ADCY2: variants seen among roughly 807,000 people sequenced by gnomAD.
ADCY2 encodes adenylate cyclase 2, also known as adenylate cyclase type 2.
A neutral mutation model predicts 125.2 loss-of-function variants in ADCY2; 31 were observed. The observed-to-expected ratio is 0.25, with a 90% CI of 0.19 to 0.33. The LOEUF (loss-of-function observed/expected upper bound fraction) is 0.33. ADCY2 is among the 10% of genes least tolerant of loss of function. The probability of loss-of-function intolerance (pLI) is 1.00; values close to 1 mark genes in which losing one functional copy is unlikely to be tolerated. For synonymous variants in ADCY2, 512 were observed against 548.4 expected (o/e 0.93, Z 0.93); for missense variants, 904 against 1,418.2 (o/e 0.64, Z 5.82).
chr5:7,668,510 G>C (rs1561156283), intron 4 of ADCY2, among the ~76,000 whole-genome samples: 1 of 151,950 alleles, frequency 6.6e-6, no homozygotes, highest in Non-Finnish European at 1.5e-5. Flanking sequence ...AATACACATG[G>C]GTACTTCAGA....
intron 2 of ADCY2, among the ~76,000 whole-genome samples, chr5:7,515,380 G>A (rs1744216878): frequency 1.3e-5 from 2 of 152,178 alleles, no homozygotes. Context: ...GGGGTAGGCA[G>A]GAGCAGATGT....
intron 15 of ADCY2, among the ~76,000 whole-genome samples, chr5:7,744,302 T>C (rs1215740712): frequency 1.3e-5 from 2 of 152,172 alleles, no homozygotes; most frequent in Non-Finnish European, 2.9e-5. Context: ...GATGGGTTCA[T>C]AGGTGCAGCA....
chr5:7,525,033 C>T (rs1043576907), intron 3 of ADCY2, among the ~76,000 whole-genome samples: 12 of 152,148 alleles, frequency 7.9e-5, no homozygotes, highest in East Asian at 1.9e-4. Flanking sequence ...GATGGAGTCT[C>T]GCTCTGTCAC....
chr5:7,535,850 G>A (rs1208282650), intron 3 of ADCY2, among the ~76,000 whole-genome samples: 4 of 152,162 alleles, frequency 2.6e-5, no homozygotes, highest in South Asian at 4.1e-4. Context: ...AGAAAGTATC[G>A]TGGCTGGTGT....
intron 2 of ADCY2, among the ~76,000 whole-genome samples, chr5:7,439,916 G>A (rs1190796469): frequency 2.6e-5 from 4 of 151,980 alleles, no homozygotes; most frequent in East Asian, 3.9e-4. Flanking sequence ...GAAGAATTCC[G>A]GGGGTGAGAG....
chr5:7,489,198 C>T (rs1743062089), intron 2 of ADCY2, among the ~76,000 whole-genome samples: 1 of 152,132 alleles, frequency 6.6e-6, no homozygotes, highest in Non-Finnish European at 1.5e-5. Flanking sequence ...GCATCTGAGT[C>T]TCTGAGACCT....
chr5:7,730,301 T>A (rs1742061668), intron 14 of ADCY2, among the ~76,000 whole-genome samples: 1 of 152,240 alleles, frequency 6.6e-6, no homozygotes, highest in Non-Finnish European at 1.5e-5. Context: ...ATGCTTGCAT[T>A]GGTTCCATAT....
chr5:7,487,105 A>G (rs1357114791), intron 2 of ADCY2, among the ~76,000 whole-genome samples: 1 of 152,202 alleles, frequency 6.6e-6, no homozygotes, highest in Non-Finnish European at 1.5e-5. Context: ...TAAAAAGGCT[A>G]TGTGTGTGAT....
chr5:7,572,150 A>G (rs1470479360), intron 3 of ADCY2, among the ~76,000 whole-genome samples: 1 of 152,208 alleles, frequency 6.6e-6, no homozygotes, highest in Non-Finnish European at 1.5e-5. Context: ...CTGTGGGTAT[A>G]TACCTAGTAA....
intron 15 of ADCY2, among the ~76,000 whole-genome samples, chr5:7,756,714 GA>G (rs1246702581): frequency 6.6e-6 from 1 of 152,146 alleles, no homozygotes; most frequent in Non-Finnish European, 1.5e-5. Flanking sequence ...CATGGGTATA[GA>G]GTTTCAATTT....
At chr5:7,633,846 A>G (rs776048558) in intron 4 of ADCY2, among the ~76,000 whole-genome samples, 25 of 152,186 alleles carry the variant, frequency 1.6e-4, no homozygotes, top group Non-Finnish European at 2.2e-4. Context: ...GGGACTGCCT[A>G]TTTTTAATAC....
At chr5:7,616,005 G>A (rs1737744780) in intron 3 of ADCY2, among the ~76,000 whole-genome samples, 1 of 152,098 alleles carries the variant, frequency 6.6e-6, no homozygotes, top group Admixed American at 6.5e-5. Flanking sequence ...ATATGGTGGT[G>A]CTAGTGGTTT....
intron 3 of ADCY2, among the ~76,000 whole-genome samples, chr5:7,558,602 G>A (rs11959169): frequency 0.3 from 45,501 of 151,802 alleles, 7,957 homozygotes; most frequent in Non-Finnish European, 0.4. Context: ...TGTTGGATGC[G>A]TAGTTTGCAG....
At chr5:7,560,253 T>C (rs1379628259) in intron 3 of ADCY2, among the ~76,000 whole-genome samples, 1 of 152,212 alleles carries the variant, frequency 6.6e-6, no homozygotes, top group Non-Finnish European at 1.5e-5. Flanking sequence ...GGAAAGAGAC[T>C]GGATGCCAGT....
chr5:7,471,495 T>G (rs73737394), intron 2 of ADCY2, among the ~76,000 whole-genome samples: 1 of 151,986 alleles, frequency 6.6e-6, no homozygotes, highest in Non-Finnish European at 1.5e-5. Flanking sequence ...CTTATAACAA[T>G]AGACTCCCAA....
chr5:7,629,193 G>C (rs1738234182), intron 4 of ADCY2, among the ~76,000 whole-genome samples: 1 of 152,226 alleles, frequency 6.6e-6, no homozygotes, highest in Admixed American at 6.5e-5. Context: ...GGTGCTCCCA[G>C]AGGTTGAGAG....
At chr5:7,534,840 G>A (rs909061281) in intron 3 of ADCY2, among the ~76,000 whole-genome samples, 1 of 152,216 alleles carries the variant, frequency 6.6e-6, no homozygotes, top group African/African-American at 2.4e-5. Context: ...GGTTGATGTG[G>A]TGGGGGCCTC....
intron 20 of ADCY2, chr5:7,794,162 C>T (rs1000152437): frequency 6.6e-6 from 1 of 152,148 alleles, no homozygotes; most frequent in Non-Finnish European, 1.5e-5. Flanking sequence ...ATGAAATGAT[C>T]GTGTCATTCT....
chr5:7,404,379 A>T (rs575440970), intron 1 of ADCY2, among the ~76,000 whole-genome samples: 18 of 152,278 alleles, frequency 1.2e-4, no homozygotes, highest in African/African-American at 4.1e-4. Context: ...ATATTAGATT[A>T]TGTCATGGAA....
Sources: gnomAD v4.1 joint callset for allele counts (sites outside exome capture counted in the v4.1 genomes callset) on GRCh38, gnomAD v4.1.1 for gene constraint, MANE v1.5 for transcripts, NCBI Gene and HGNC (gene_info 2026-07-23, HGNC 2026-07-21) for gene names.